The following TMED8 variants were observed in gnomAD, a reference collection of about 807,000 sequenced individuals.
The protein encoded by TMED8 is protein TMED8.
TMED8 carries 15 observed loss-of-function variants against 32.7 expected under a neutral mutation model. The observed-to-expected ratio is 0.46, with a 90% CI of 0.31 to 0.71. The LOEUF is 0.71. Among genes scored for constraint, TMED8 ranks in the 30% least tolerant of loss-of-function variants. TMED8 has a pLI of 0.06. For synonymous variants in TMED8, 147 were observed against 161.4 expected (o/e 0.91, Z 0.68); for missense variants, 390 against 423.9 (o/e 0.92, Z 0.70).
At chr14:77,365,631 G>A (rs1893535919) in intron 1 of TMED8, among the ~76,000 whole-genome samples, 1 of 152,204 alleles carries the variant, frequency 6.6e-6, no homozygotes, top group Admixed American at 6.5e-5. Context: ...TGAGCTGAGA[G>A]CCACAGGTCC....
intron 1 of TMED8, among the ~76,000 whole-genome samples, chr14:77,356,669 A>G (rs751453030): frequency 3.9e-5 from 6 of 152,192 alleles, no homozygotes; most frequent in Non-Finnish European, 8.8e-5. Context: ...CAATTCCTCA[A>G]TATCATCTCA....
intron 1 of TMED8, among the ~76,000 whole-genome samples, chr14:77,368,652 A>G (rs2139634899): frequency 6.6e-6 from 1 of 151,808 alleles, no homozygotes; most frequent in African/African-American, 2.4e-5. Context: ...TAATTTTTGT[A>G]TTTTAGTAGA....
chr14:77,352,147 G>C (rs923899362), intron 1 of TMED8, among the ~76,000 whole-genome samples: 3 of 151,478 alleles, frequency 2.0e-5, no homozygotes, highest in Admixed American at 2.0e-4. Context: ...AAAAAATTAA[G>C]GCCAGATGCA....
chr14:77,358,649 CTTG>C (rs951156192), intron 1 of TMED8, among the ~76,000 whole-genome samples: 5 of 152,174 alleles, frequency 3.3e-5, no homozygotes, highest in Middle Eastern at 3.4e-3. Flanking sequence ...ATTTTTCGGT[CTTG>C]TTGTGGAAAA....
chr14:77,349,642 A>G (rs1321939172), intron 2 of TMED8, among the ~76,000 whole-genome samples: 2 of 152,034 alleles, frequency 1.3e-5, no homozygotes, highest in East Asian at 3.9e-4. Flanking sequence ...TTCTGCTGAG[A>G]GGTTTCTCAG....
intron 1 of TMED8, among the ~76,000 whole-genome samples, chr14:77,363,616 T>C (rs934249884): frequency 6.6e-6 from 1 of 152,100 alleles, no homozygotes. Flanking sequence ...ATCATGCCAC[T>C]GCACTCCAGC....
chr14:77,346,624 G>A lies in TMED8; in HGVS notation c.198-146C>T, dbSNP rs183364018. The A allele has an allele frequency of 1.2e-3, 1,173 of 1,018,908 alleles. 24 individuals carry two copies. The East Asian group carries it at 0.024, about 21-fold the overall frequency. The allele number at this position is 1,018,908 out of a possible 1,614,324, so 63.1% of individuals were successfully genotyped here. A position where few individuals can be genotyped will look rare whatever the true frequency, so the allele number is the denominator to read the frequency against. On this transcript the variant is annotated intron_variant, in intron 2 of 5. Coordinates refer to ENST00000216468, the MANE Select transcript of TMED8 (RefSeq NM_213601.3). The stretch of plus-strand genomic sequence containing the variant: ...ATTTAGCTCTACTGTCACCTTAGCC[G>A]ACCACTGCCCAGGGCTGAATTGGTC...
intron 1 of TMED8, among the ~76,000 whole-genome samples, chr14:77,375,959 C>G (rs1893805325): frequency 1.3e-5 from 2 of 152,224 alleles, no homozygotes; most frequent in Non-Finnish European, 1.5e-5. Flanking sequence ...AGACTCCAAT[C>G]CAGGCACCCT....
rs963453931 is a variant in TMED8, at chr14:77,338,806, A to G, written c.*2965T>C. 1 of 152,158 alleles carries G rather than the reference A, an allele frequency of 6.6e-6. No homozygotes were observed. Among genetic ancestry groups the G allele is most frequent in the African/African-American group, 2.4e-5 (1 of 41,424 alleles). The allele number at this position is 152,158 out of a possible 1,614,324, so 9.4% of individuals were successfully genotyped here. A position where few individuals can be genotyped will look rare whatever the true frequency, so the allele number is the denominator to read the frequency against. ...TATTTCTTTTAAGCTGTTTGCTGAA[A>G]TTTTTTCACAATAAAACACTGGGGG... On this transcript the variant is annotated 3_prime_UTR_variant, in exon 6 of 6. Transcript: ENST00000216468.
At chr14:77,370,471 C>T (rs1340808527) in intron 1 of TMED8, among the ~76,000 whole-genome samples, 1 of 152,064 alleles carries the variant, frequency 6.6e-6, no homozygotes, top group African/African-American at 2.4e-5. Flanking sequence ...AGAATACAGA[C>T]CTATAGAAAG....
chr14:77,366,011 T>C (rs1448950257), intron 1 of TMED8, among the ~76,000 whole-genome samples: 1 of 152,244 alleles, frequency 6.6e-6, no homozygotes, highest in African/African-American at 2.4e-5. Flanking sequence ...AGTTCGCCCA[T>C]GCTGGCTCCT....
In TMED8 at chr14:77,340,426, C is replaced by G. The variant is rs1402792349; in HGVS notation, c.*1345G>C. On this transcript the variant is annotated 3_prime_UTR_variant, in exon 6 of 6. Transcript: ENST00000216468. The stretch of plus-strand genomic sequence containing the variant: ...GTAATAAATAAATCTAATTATTCTT[C>G]AGAATTCGTAGGCAGTAACAGACAT... The G allele has an allele frequency of 6.6e-6, 1 of 152,214 alleles. No individual in the cohort carries two copies. The highest frequency in any genetic ancestry group is 1.5e-5 in the Non-Finnish European group (1 of 68,044). The allele number at this position is 152,214 out of a possible 1,614,324, so 9.4% of individuals were successfully genotyped here. A position where few individuals can be genotyped will look rare whatever the true frequency, so the allele number is the denominator to read the frequency against.
rs925766180 is a variant in TMED8 at position 77,339,309 on chromosome 14, G to T, written c.*2462C>A. On this transcript the variant is annotated 3_prime_UTR_variant, in exon 6 of 6. Coordinates refer to ENST00000216468, the MANE Select transcript of TMED8 (RefSeq NM_213601.3). ...ATGAATGAAATGTAACCATGCCCAG[G>T]ACTTCAAAAGTGACCAGACCCTAAG... 6 of 152,326 alleles carry T rather than the reference G, an allele frequency of 3.9e-5. No homozygotes were observed. Among genetic ancestry groups the T allele is most frequent in the African/African-American group, 1.2e-4 (5 of 41,570 alleles). The allele number at this position is 152,326 out of a possible 1,614,324, so 9.4% of individuals were successfully genotyped here. A position where few individuals can be genotyped will look rare whatever the true frequency, so the allele number is the denominator to read the frequency against.
intron 1 of TMED8, among the ~76,000 whole-genome samples, chr14:77,360,538 A>G (rs73311393): frequency 1.4e-3 from 207 of 151,992 alleles, no homozygotes; most frequent in African/African-American, 4.6e-3. Context: ...TCCTTCTTTT[A>G]TAAGGCTAAA....
chr14:77,376,698 CAGAA>C lies in TMED8; in HGVS notation c.118+234_118+237del, dbSNP rs1178365008. 12 of 313,792 alleles carry C rather than the reference CAGAA, an allele frequency of 3.8e-5. No individual in the cohort carries two copies. Among genetic ancestry groups the C allele is most frequent in the South Asian group, 1.6e-4 (1 of 6,440 alleles). The allele number at this position is 313,792 out of a possible 1,614,324, so 19.4% of individuals were successfully genotyped here. A position where few individuals can be genotyped will look rare whatever the true frequency, so the allele number is the denominator to read the frequency against. ...CTGTCACTACCATTTGGGCAGATCTCAGAAAGGAAGCGGGGCAGGAATCAAGGCA... is the reference window on the plus strand; with the variant it reads ...CTGTCACTACCATTTGGGCAGATCTCAGGAAGCGGGGCAGGAATCAAGGCA... On this transcript the variant is annotated intron_variant, in intron 1 of 5. Transcript: ENST00000216468. This position sits in a 1 kb window ranked among gnomAD's most constrained non-coding sequence, Gnocchi z 4.0.
At chr14:77,351,540 C>T (rs1893178891) in intron 2 of TMED8, 133 bp downstream of exon 2, 3 of 729,284 alleles carry the variant, frequency 4.1e-6, no homozygotes, top group East Asian at 2.9e-5. Context: ...GGATTACAGG[C>T]GTGAGCCACT....
intron 1 of TMED8, among the ~76,000 whole-genome samples, chr14:77,352,078 T>C (rs563456694): frequency 4.6e-5 from 7 of 152,162 alleles, no homozygotes; most frequent in South Asian, 4.2e-4. Flanking sequence ...GGCAGGAGGA[T>C]TGCTTGAGAC....
intron 1 of TMED8, among the ~76,000 whole-genome samples, chr14:77,353,336 T>G (rs987708444): frequency 2.6e-5 from 4 of 152,182 alleles, no homozygotes; most frequent in African/African-American, 9.6e-5. Flanking sequence ...CAGAGTTTGG[T>G]AGCAAACTCA....
intron 3 of TMED8, among the ~76,000 whole-genome samples, chr14:77,345,659 CAAAAAAAAAAA>C (rs11297608): frequency 0.31 from 31,986 of 103,974 alleles, 3,909 homozygotes; most frequent in Admixed American, 0.41. Flanking sequence ...ACCTTTGTCT[CAAAAAAAAAAA>C]AAAAAAAAAA....
Sources: allele counts gnomAD v4.1 joint callset (sites outside exome capture counted in the v4.1 genomes callset), GRCh38; gene constraint gnomAD v4.1.1; non-coding constraint Gnocchi (gnomAD v3.1); transcripts MANE v1.5; gene names NCBI Gene and HGNC (gene_info 2026-07-23, HGNC 2026-07-21).